Variants in RIC1 observed in about 807,000 individuals in gnomAD.
RIC1 encodes the protein guanine nucleotide exchange factor subunit RIC1.
RIC1 carries 88 observed loss-of-function variants against 169.0 expected under a neutral mutation model. The observed-to-expected ratio is 0.52, with a 90% confidence interval of 0.44 to 0.62. RIC1 has a LOEUF of 0.62. Ranked by LOEUF, RIC1 falls within the 20% of genes least tolerant of loss-of-function variation. The pLI is 0.00. For synonymous variants in RIC1, 790 were observed against 601.5 expected (o/e 1.31, Z -4.59); for missense variants, 1,877 against 1,725.5 (o/e 1.09, Z -1.56).
chr9:5,684,584 T>C (rs1430320993), intron 2 of RIC1, among the ~76,000 whole-genome samples: 1 of 152,176 alleles, frequency 6.6e-6, no homozygotes, highest in African/African-American at 2.4e-5. Context: ...TTTTTCTATA[T>C]TTGTCTTGTG....
rs764146475 is a variant in RIC1, at chr9:5,772,688, C to T, written c.3741C>T (p.His1247=). 6 of 1,613,636 alleles carry T rather than the reference C, an allele frequency of 3.7e-6. No individual in the cohort carries two copies. The highest frequency in any genetic ancestry group is 4.2e-6 in the Non-Finnish European group (5 of 1,179,840). ...GTTTAACTCAGTCAGAGCTGGAGCA[C>T]ATTTCCATGGAGTTGGCCAGTAAAG... ...TLSLTQSELE[H]ISMELASKGP... is the part of the protein sequence containing the mutation. Residue 1247 remains histidine (H), a synonymous_variant, in exon 24 of 26, where the codon CAC becomes CAT. Coordinates refer to ENST00000414202, the MANE Select transcript of RIC1 (RefSeq NM_020829.4).
chr9:5,680,399 T>C (rs1820744111), intron 2 of RIC1, among the ~76,000 whole-genome samples: 1 of 152,214 alleles, frequency 6.6e-6, no homozygotes, highest in Admixed American at 6.5e-5. Flanking sequence ...TTGATTGGAA[T>C]AGTTTCAGAA....
At chr9:5,732,501 G>A in intron 7 of RIC1, 22 bp downstream of exon 7, 1 of 1,514,648 alleles carries the variant, frequency 6.6e-7, no homozygotes, top group Admixed American at 2.1e-5. Flanking sequence ...GTAGGCTTTT[G>A]CATTTTTAAG....
chr9:5,738,022 T>G (rs1824832268), intron 7 of RIC1, among the ~76,000 whole-genome samples: 1 of 152,080 alleles, frequency 6.6e-6, no homozygotes, highest in Non-Finnish European at 1.5e-5. Context: ...GCCCATGCAG[T>G]TCAGATCCAT....
chr9:5,734,340 G>A (rs1315694990), intron 7 of RIC1, among the ~76,000 whole-genome samples: 1 of 151,754 alleles, frequency 6.6e-6, no homozygotes, highest in Non-Finnish European at 1.5e-5. Context: ...TCCTGACCTC[G>A]TGATCCATCC....
intron 3 of RIC1, among the ~76,000 whole-genome samples, chr9:5,703,980 C>T (rs1011128542): frequency 6.6e-6 from 1 of 151,808 alleles, no homozygotes; most frequent in African/African-American, 2.4e-5. Context: ...ACTGTTTTCC[C>T]ACAAGCCATA....
intron 1 of RIC1, among the ~76,000 whole-genome samples, chr9:5,642,280 G>A (rs1399366186): frequency 1.4e-5 from 2 of 144,770 alleles, no homozygotes; most frequent in Non-Finnish European, 3.0e-5. Flanking sequence ...CTAGGGATGT[G>A]TTCATGCGTT....
intron 1 of RIC1, among the ~76,000 whole-genome samples, chr9:5,646,862 C>T (rs932394027): frequency 2.0e-5 from 3 of 152,088 alleles, no homozygotes; most frequent in South Asian, 4.1e-4. Flanking sequence ...CTTTCAGTAT[C>T]ATATCCAAGA....
At chr9:5,750,730 G>A in intron 12 of RIC1, among the ~76,000 whole-genome samples, 1 of 151,486 alleles carries the variant, frequency 6.6e-6, no homozygotes, top group African/African-American at 2.4e-5. Context: ...GATGTGGCAT[G>A]ACTTCAGTGC....
At chr9:5,736,239 A>C (rs1043018276) in intron 7 of RIC1, among the ~76,000 whole-genome samples, 1 of 152,180 alleles carries the variant, frequency 6.6e-6, no homozygotes, top group South Asian at 2.1e-4. Flanking sequence ...GAGTTGATCT[A>C]TTTGGGCAGG....
intron 2 of RIC1, among the ~76,000 whole-genome samples, chr9:5,681,007 T>C (rs1177547147): frequency 4.0e-5 from 6 of 150,936 alleles, no homozygotes; most frequent in Admixed American, 4.0e-4. Flanking sequence ...TTTGTATTTT[T>C]AGTAGAGACG....
At chr9:5,632,292 T>A (rs1817752869) in intron 1 of RIC1, among the ~76,000 whole-genome samples, 1 of 152,210 alleles carries the variant, frequency 6.6e-6, no homozygotes, top group South Asian at 2.1e-4. Context: ...AAAAGAATTG[T>A]GGAAATTGTA....
In RIC1 at chr9:5,755,922, TTAAATAAA is replaced by T. The variant is rs55944285; in HGVS notation, c.1693-265_1693-258del. ...TGGGCAACAGAGTGAGACCCCGTCT[TTAAATAAA>T]TAAATAAATAAATAAATAAATAAAG... On this transcript the variant is annotated intron_variant, in intron 15 of 25. Transcript: ENST00000414202. Among the ~76,000 whole-genome samples the T allele has an allele frequency of 2.3e-3, 347 of 148,298 alleles. 1 individual carries two copies. Among genetic ancestry groups the T allele is most frequent in the African/African-American group, 7.4e-3 (300 of 40,500 alleles).
chr9:5,721,736 T>C (rs1359414133), intron 6 of RIC1, among the ~76,000 whole-genome samples: 2 of 152,200 alleles, frequency 1.3e-5, no homozygotes, highest in African/African-American at 4.8e-5. Context: ...TGCAGATTTT[T>C]CCTCCTGCTA....
At chr9:5,656,793 A>G (rs1030044007) in intron 2 of RIC1, 103 bp downstream of exon 2, 8 of 668,912 alleles carry the variant, frequency 1.2e-5, no homozygotes, top group Non-Finnish European at 2.1e-5. Context: ...TTGCACTCAT[A>G]AGTATTTATT....
Position 5,775,046 on chromosome 9 carries a change from C to CA in RIC1, c.*800_*801insA. ...TATTATAATTTGCAAGGTTTTAATG[C>CA]TGGATTCTGCATGTCTACACATACA... is the stretch of plus-strand genomic sequence containing the variant. On this transcript the variant is annotated 3_prime_UTR_variant, in exon 26 of 26. Coordinates refer to ENST00000414202, the MANE Select transcript of RIC1 (RefSeq NM_020829.4). 1 of 152,190 alleles carries CA rather than the reference C, an allele frequency of 6.6e-6. No individual in the cohort carries two copies. The highest frequency in any genetic ancestry group is 1.5e-5 in the Non-Finnish European group (1 of 68,046). 9.4% of individuals were successfully genotyped at this position (152,190 alleles called of 1,614,324 possible).
intron 3 of RIC1, among the ~76,000 whole-genome samples, chr9:5,703,697 T>A (rs901299755): frequency 3.9e-5 from 6 of 152,270 alleles, no homozygotes; most frequent in African/African-American, 1.2e-4. Context: ...TTTTAGCATG[T>A]ATCAGTACTT....
intron 12 of RIC1, chr9:5,748,658 T>C (rs986987865): frequency 3.9e-5 from 6 of 152,650 alleles, no homozygotes; most frequent in African/African-American, 1.4e-4. Flanking sequence ...CAATGCCAGT[T>C]CTGCCTAGCC....
chr9:5,715,036 C>G (rs576508736), intron 4 of RIC1, among the ~76,000 whole-genome samples: 1 of 152,148 alleles, frequency 6.6e-6, no homozygotes, highest in Admixed American at 6.5e-5. Context: ...ATTGTCTTGC[C>G]TTGTTTGGTC....
Sources: gnomAD v4.1 joint callset for allele counts (sites outside exome capture counted in the v4.1 genomes callset) on GRCh38, gnomAD v4.1.1 for gene constraint, MANE v1.5 for transcripts, NCBI Gene and HGNC (gene_info 2026-07-23, HGNC 2026-07-21) for gene names.